The following GGNBP2 variants were observed in gnomAD, a reference collection of about 807,000 sequenced individuals.
GGNBP2 encodes gametogenetin-binding protein 2.
GGNBP2 carries 10 observed loss-of-function variants against 85.9 expected under a neutral mutation model. The ratio of observed to expected loss-of-function variants is 0.12; its 90% CI spans 0.07 to 0.20. The LOEUF is 0.20. Among genes scored for constraint, GGNBP2 ranks in the 10% least tolerant of loss-of-function variants. The pLI, the probability that GGNBP2 is intolerant of heterozygous loss-of-function variation, is 1.00. For missense variants in GGNBP2, 595 were observed against 857.8 expected, an observed-to-expected ratio of 0.69 and a Z score of 3.83; for synonymous variants, 287 against 285.7, an observed-to-expected ratio of 1.00 and a Z score of -0.05.
chr17:36,549,321 G>C (rs765068125), intron 2 of GGNBP2, among the ~76,000 whole-genome samples: 19 of 152,032 alleles, frequency 1.2e-4, no homozygotes, highest in Admixed American at 4.6e-4. Context: ...TCCTGCCTCA[G>C]CCTCCTGAGT....
At chr17:36,578,234 ATT>A (rs746771180) in intron 7 of GGNBP2, 48 bp downstream of exon 7, 19 of 1,381,686 alleles carry the variant, frequency 1.4e-5, no homozygotes. Flanking sequence ...GCTTTGCTTC[ATT>A]TTATTACTGA....
intron 12 of GGNBP2, 52 bp downstream of exon 12, chr17:36,586,250 C>A: frequency 6.4e-7 from 1 of 1,567,924 alleles, no homozygotes; most frequent in Non-Finnish European, 8.6e-7. Flanking sequence ...GGACAGAACA[C>A]GTGTTTTCCT....
At chr17:36,551,733 T>C (rs994381431) in intron 2 of GGNBP2, among the ~76,000 whole-genome samples, 1 of 151,742 alleles carries the variant, frequency 6.6e-6, no homozygotes, top group Non-Finnish European at 1.5e-5. Context: ...TCCCAGCTAC[T>C]TGGGAGAATT....
chr17:36,578,417 G>T, intron 7 of GGNBP2: 1 of 434,038 alleles, frequency 2.3e-6, no homozygotes, highest in Non-Finnish European at 4.1e-6. Flanking sequence ...TTGCTTGAAG[G>T]GAGGCAGGCT....
intron 12 of GGNBP2, 68 bp from the exon 13 acceptor site, chr17:36,586,929 T>G: frequency 1.4e-6 from 2 of 1,409,406 alleles, no homozygotes; most frequent in Admixed American, 5.2e-5. Context: ...TTTTTTTTTT[T>G]TTTTTTAAAG....
In GGNBP2 at chr17:36,588,204, G is replaced by T. The variant is rs116973268; in HGVS notation, c.1890+959G>T. On this transcript the variant is annotated intron_variant, in intron 13 of 13. Transcript: ENST00000613102. ...TTGGAGGAGGGGAGGAAGAAGAGTG[G>T]TGTCCTTTTCATTAGAGTCCTGATG... 5.0e-3 allele frequency among the ~76,000 whole-genome samples: 764 copies of T among 152,346 alleles called. 13 individuals carry two copies. Among genetic ancestry groups the T allele is most frequent in the East Asian group, 0.026 (134 of 5,190 alleles).
chr17:36,570,986 C>T (rs1247799889), intron 6 of GGNBP2, among the ~76,000 whole-genome samples: 1 of 152,150 alleles, frequency 6.6e-6, no homozygotes, highest in African/African-American at 2.4e-5. Flanking sequence ...TGCTACTGCA[C>T]TCAAGCCTGG....
At chr17:36,550,742 G>C (rs1457811213) in intron 2 of GGNBP2, among the ~76,000 whole-genome samples, 1 of 152,136 alleles carries the variant, frequency 6.6e-6, no homozygotes, top group Admixed American at 6.5e-5. Flanking sequence ...GCTAGCTATG[G>C]GTAGGGAACC....
At chr17:36,580,185 TTTTC>T (rs1339290261) in intron 8 of GGNBP2, among the ~76,000 whole-genome samples, 1 of 151,340 alleles carries the variant, frequency 6.6e-6, no homozygotes, top group African/African-American at 2.4e-5. Context: ...TAAGGACTAT[TTTTC>T]TTTCTTTCTT....
At chr17:36,574,759 G>A in intron 6 of GGNBP2, 1 of 631,616 alleles carries the variant, frequency 1.6e-6, no homozygotes, top group Non-Finnish European at 2.8e-6. Context: ...TAGGGATGAG[G>A]CGCACCAGCA....
At chr17:36,574,835 T>G (rs2074560613) in intron 6 of GGNBP2, 2 of 688,938 alleles carry the variant, frequency 2.9e-6, no homozygotes, top group South Asian at 3.1e-5. Context: ...GTTCCCCCAG[T>G]AGCCTCTGTG....
chr17:36,575,226 C>A (rs982642839), intron 6 of GGNBP2: 11 of 639,690 alleles, frequency 1.7e-5, no homozygotes, highest in Non-Finnish European at 2.8e-5. Context: ...CAGCCCCAGC[C>A]CCGGCCCCGG....
chr17:36,545,627 T>C lies in GGNBP2; in HGVS notation c.-98T>C. On this transcript the variant is annotated 5_prime_UTR_variant, in exon 2 of 14. Transcript: ENST00000613102. ...GGGTTTGGCTGTTGCAGGCAGGAGC[T>C]GGGAGGAGGCGGCAGCGGCGGCGGC... 1 of 916,288 alleles carries C rather than the reference T, an allele frequency of 1.1e-6. No individual in the cohort carries two copies. The highest frequency in any genetic ancestry group is 1.5e-5 in the South Asian group (1 of 68,630). The allele number at this position is 916,288 out of a possible 1,614,324, so 56.8% of individuals were successfully genotyped here. A position where few individuals can be genotyped will look rare whatever the true frequency, so the allele number is the denominator to read the frequency against.
At chr17:36,546,596 C>T (rs1408378205) in intron 2 of GGNBP2, 2 of 152,176 alleles carry the variant, frequency 1.3e-5, no homozygotes, top group African/African-American at 4.8e-5. Context: ...TGTTGCTGTA[C>T]TGTTTCCTTT....
At chr17:36,549,331 T>C (rs980625809) in intron 2 of GGNBP2, among the ~76,000 whole-genome samples, 11 of 152,130 alleles carry the variant, frequency 7.2e-5, no homozygotes, top group African/African-American at 2.4e-4. Context: ...GCCTCCTGAG[T>C]AGCTGGGATT....
intron 6 of GGNBP2, among the ~76,000 whole-genome samples, chr17:36,573,584 G>A (rs774622263): frequency 2.0e-5 from 3 of 152,072 alleles, no homozygotes; most frequent in Non-Finnish European, 2.9e-5. Flanking sequence ...GTTTTATTTT[G>A]AAGAACTTCC....
intron 6 of GGNBP2, among the ~76,000 whole-genome samples, chr17:36,575,790 G>A (rs924975581): frequency 6.7e-5 from 10 of 150,296 alleles, no homozygotes; most frequent in Non-Finnish European, 1.3e-4. Flanking sequence ...GGGATTACAG[G>A]TGTATGCCAC....
intron 9 of GGNBP2, among the ~76,000 whole-genome samples, chr17:36,583,501 C>G (rs1406374099): frequency 6.6e-6 from 1 of 152,124 alleles, no homozygotes; most frequent in Non-Finnish European, 1.5e-5. Flanking sequence ...CTCTGTCACC[C>G]ATGCTGGATT....
At chr17:36,563,473 C>A (rs759839017) in intron 5 of GGNBP2, among the ~76,000 whole-genome samples, 14 of 151,942 alleles carry the variant, frequency 9.2e-5, no homozygotes, top group Non-Finnish European at 1.6e-4. Flanking sequence ...TGCATCCTTC[C>A]ACATGCATCT....
Sources: gnomAD v4.1 joint callset for allele counts (sites outside exome capture counted in the v4.1 genomes callset) on GRCh38, gnomAD v4.1.1 for gene constraint, MANE v1.5 for transcripts, NCBI Gene and HGNC (gene_info 2026-07-23, HGNC 2026-07-21) for gene names.